Variants in DACH2 observed in about 807,000 individuals in gnomAD.
The protein encoded by DACH2 is dachshund family transcription factor 2, also known as dachshund homolog 2.
A neutral mutation model predicts 35.8 loss-of-function variants in DACH2; 17 were observed. The ratio of observed to expected loss-of-function variants is 0.48; its 90% CI spans 0.33 to 0.71. The LOEUF (loss-of-function observed/expected upper bound fraction) is 0.71, where lower values mean the gene tolerates loss of function less well. Ranked by LOEUF, DACH2 falls within the 30% of genes least tolerant of loss-of-function variation. DACH2 has a pLI of 0.02. For synonymous variants in DACH2, 195 were observed against 177.3 expected (o/e 1.10, Z -0.79); for missense variants, 469 against 472.7 (o/e 0.99, Z 0.07).
intron 4 of DACH2, among the ~76,000 whole-genome samples, chrX:86,654,929 G>A (rs1042362620): frequency 2.1e-4 from 23 of 111,762 alleles, no homozygotes; most frequent in African/African-American, 6.5e-4. Flanking sequence ...ATGATCATTT[G>A]TAAATGAAAA....
Position 86,529,977 on chromosome X carries a change from G to GCACACA in DACH2, c.640+15609_640+15614dup, listed in dbSNP as rs34621582. Among the ~76,000 whole-genome samples, 101 of 84,244 alleles carry GCACACA rather than the reference G, an allele frequency of 1.2e-3. 2 individuals carry two copies. The highest frequency in any genetic ancestry group is 4.5e-3 in the African/African-American group (95 of 21,290). The allele number at this position is 84,244 out of a possible 115,157, so 73.2% of individuals were successfully genotyped here. A position where few individuals can be genotyped will look rare whatever the true frequency, so the allele number is the denominator to read the frequency against. ...CACACACACACACACACACACACAC[G>GCACACA]CACACACACACACACACACACACAC... On this transcript the variant is annotated intron_variant, in intron 3 of 11. Coordinates refer to ENST00000373125, the MANE Select transcript of DACH2 (RefSeq NM_053281.3).
At chrX:86,621,729 C>T (rs6623737) in intron 3 of DACH2, among the ~76,000 whole-genome samples, 33,011 of 110,053 alleles carry the variant, frequency 0.3, 3,971 homozygotes, top group East Asian at 0.46. Flanking sequence ...TTTTGAAGAT[C>T]AAATAAGATC....
At chrX:86,792,555 T>G (rs770306593) in intron 7 of DACH2, among the ~76,000 whole-genome samples, 12 of 111,807 alleles carry the variant, frequency 1.1e-4, no homozygotes, top group East Asian at 8.4e-4. Flanking sequence ...CAGCCTCTGA[T>G]AACTATCATT....
chrX:86,181,930 G>T (rs187798726), intron 1 of DACH2, among the ~76,000 whole-genome samples: 4 of 112,226 alleles, frequency 3.6e-5, no homozygotes, highest in African/African-American at 1.3e-4. Context: ...TTTCTCTAAT[G>T]ACCAGTGATG....
intron 4 of DACH2, among the ~76,000 whole-genome samples, chrX:86,653,355 G>T (rs2040500002): frequency 9.0e-6 from 1 of 111,626 alleles, no homozygotes; most frequent in African/African-American, 3.3e-5. Flanking sequence ...TTCGAAGGCA[G>T]GTAATGTGAT....
chrX:86,502,035 C>CTTCCTTCT (rs1556274962), intron 2 of DACH2, among the ~76,000 whole-genome samples: 1 of 106,363 alleles, frequency 9.4e-6, no homozygotes, highest in African/African-American at 3.6e-5. Context: ...TCCTTCCTTC[C>CTTCCTTCT]TTCCTTCCTT....
intron 6 of DACH2, among the ~76,000 whole-genome samples, chrX:86,724,326 A>T (rs1278341065): frequency 1.8e-5 from 2 of 112,156 alleles, no homozygotes; most frequent in Non-Finnish European, 3.8e-5. Context: ...GTGATGGCGA[A>T]TAGTGAACTT....
intron 2 of DACH2, among the ~76,000 whole-genome samples, chrX:86,419,926 G>A (rs1032032454): frequency 3.6e-5 from 4 of 111,710 alleles, no homozygotes; most frequent in African/African-American, 1.3e-4. Flanking sequence ...ATTTCTTCTA[G>A]CTATTGTGAC....
In DACH2 at chrX:86,247,921, A is replaced by T. The variant is rs577264722; in HGVS notation, c.488+98813A>T. Among the ~76,000 whole-genome samples, 3 of 111,788 alleles carry T rather than the reference A, an allele frequency of 2.7e-5. No homozygotes were observed. The Admixed American group carries it at 2.9e-4, about 11-fold the overall frequency. ...TCAATAAAGGTGATTCATCACATAG[A>T]TAGAACTAGAAACAAAAACCACATG... On this transcript the variant is annotated intron_variant, in intron 1 of 11. Transcript: ENST00000373125.
chrX:86,503,359 C>A (rs1415044091), intron 2 of DACH2, among the ~76,000 whole-genome samples: 2 of 111,869 alleles, frequency 1.8e-5, no homozygotes, highest in African/African-American at 6.5e-5. Context: ...AGGAACATAC[C>A]CATCCTATCC....
intron 1 of DACH2, chrX:86,263,019 C>T (rs1256833550): frequency 1.3e-6 from 1 of 750,046 alleles, no homozygotes; most frequent in South Asian, 6.8e-5. Context: ...AAGGTAAGTA[C>T]ATTTTAATTC....
chrX:86,494,360 G>A (rs1041013259), intron 2 of DACH2, among the ~76,000 whole-genome samples: 36 of 112,023 alleles, frequency 3.2e-4, no homozygotes, highest in Middle Eastern at 9.2e-3. Context: ...TAGATACTGA[G>A]TGGCTACTAT....
intron 3 of DACH2, among the ~76,000 whole-genome samples, chrX:86,629,970 T>C (rs2040181915): frequency 1.8e-5 from 2 of 111,938 alleles, no homozygotes; most frequent in Admixed American, 1.9e-4. Flanking sequence ...GAACTTTATA[T>C]AAATTTTAAG....
intron 2 of DACH2, among the ~76,000 whole-genome samples, chrX:86,407,655 G>A (rs994790289): frequency 8.9e-6 from 1 of 112,329 alleles, no homozygotes; most frequent in Non-Finnish European, 1.9e-5. Context: ...AAAGGCTGAT[G>A]AGTTTTGATA....
chrX:86,744,471 C>T (rs368037154), intron 7 of DACH2, among the ~76,000 whole-genome samples: 2 of 111,463 alleles, frequency 1.8e-5, no homozygotes, highest in African/African-American at 6.5e-5. Flanking sequence ...ACAACTGTGG[C>T]AAACATATGT....
intron 4 of DACH2, among the ~76,000 whole-genome samples, chrX:86,667,614 A>AAGAAAGAAAGAAAGAAAGGCAGGC (rs1556364404): frequency 3.1e-5 from 3 of 96,982 alleles, no homozygotes; most frequent in African/African-American, 8.0e-5. Context: ...GAAAGAAAGA[A>AAGAAAGAAAGAAAGAAAGGCAGGC]AGGCAGGCAG....
intron 7 of DACH2, among the ~76,000 whole-genome samples, chrX:86,776,763 G>C (rs1019427793): frequency 9.0e-6 from 1 of 110,770 alleles, no homozygotes; most frequent in African/African-American, 3.3e-5. Context: ...ACAGGGCCCA[G>C]TGTGTGATGT....
chrX:86,296,235 G>C (rs1039678803), intron 1 of DACH2, among the ~76,000 whole-genome samples: 8 of 103,623 alleles, frequency 7.7e-5, no homozygotes, highest in Non-Finnish European at 1.6e-4. Context: ...AAAAAAATTA[G>C]CCGGGCGTGA....
intron 7 of DACH2, among the ~76,000 whole-genome samples, chrX:86,810,766 G>C (rs1465923411): frequency 1.8e-5 from 2 of 110,990 alleles, no homozygotes; most frequent in Admixed American, 1.9e-4. Context: ...AAGAAACCAT[G>C]TAGCTGAATA....
Sources: gnomAD v4.1 joint callset for allele counts (sites outside exome capture counted in the v4.1 genomes callset) on GRCh38, gnomAD v4.1.1 for gene constraint, MANE v1.5 for transcripts, NCBI Gene and HGNC (gene_info 2026-07-23, HGNC 2026-07-21) for gene names.